Variants in DPP6 observed in about 807,000 individuals in gnomAD.
The protein encoded by DPP6 is dipeptidyl peptidase like 6.
A neutral mutation model predicts 122.6 loss-of-function variants in DPP6; 69 were observed. The ratio of observed to expected loss-of-function variants is 0.56; its 90% CI spans 0.46 to 0.69. DPP6 has a LOEUF of 0.69. Among genes scored for constraint, DPP6 ranks in the 30% least tolerant of loss-of-function variants. DPP6 has a pLI of 0.00. For missense variants in DPP6, 928 were observed against 1,116.9 expected (o/e 0.83, Z 2.41); for synonymous variants, 418 against 433.1 (o/e 0.97, Z 0.43).
chr7:153,854,018 T>C, the DPP6 span, among the ~76,000 whole-genome samples: 613 of 147,504 alleles, frequency 4.2e-3, 4 homozygotes, highest in Non-Finnish European at 6.2e-3. Context: ...GAATTGATTT[T>C]TGTATAAGGT....
intron 1 of DPP6, among the ~76,000 whole-genome samples, chr7:154,057,227 A>C (rs575950204): frequency 6.6e-6 from 1 of 151,998 alleles, no homozygotes; most frequent in African/African-American, 2.4e-5. Context: ...ACAAGAAGCA[A>C]AAAAGCTGAC....
chr7:154,342,319 C>G (rs1810004961), intron 1 of DPP6, among the ~76,000 whole-genome samples: 1 of 152,180 alleles, frequency 6.6e-6, no homozygotes, highest in Admixed American at 6.5e-5. Context: ...GGCAGACACA[C>G]TGGGATTTGA....
At chr7:154,610,521 G>A (rs1484132406) in intron 5 of DPP6, among the ~76,000 whole-genome samples, 1 of 152,180 alleles carries the variant, frequency 6.6e-6, no homozygotes, top group Non-Finnish European at 1.5e-5. Flanking sequence ...GTCATTTCTT[G>A]CAGCACCTGT....
intron 1 of DPP6, among the ~76,000 whole-genome samples, chr7:154,380,691 G>A (rs780535918): frequency 6.6e-6 from 1 of 152,172 alleles, no homozygotes; most frequent in African/African-American, 2.4e-5. Context: ...CATTCCCCTG[G>A]TACCTTTTTG....
intron 1 of DPP6, among the ~76,000 whole-genome samples, chr7:153,962,554 C>T (rs71545666): frequency 5.9e-5 from 9 of 152,198 alleles, no homozygotes; most frequent in Admixed American, 2.6e-4. Context: ...GCCGTACAGT[C>T]GGTCCCAGCC....
chr7:154,075,704 A>AGT (rs1310684357), intron 1 of DPP6, among the ~76,000 whole-genome samples: 1 of 144,752 alleles, frequency 6.9e-6, no homozygotes, highest in Non-Finnish European at 1.5e-5. Context: ...CATGGGGTAC[A>AGT]GTGTATACTG....
At chr7:154,852,546 C>A (rs1183530793) in intron 16 of DPP6, among the ~76,000 whole-genome samples, 1 of 152,192 alleles carries the variant, frequency 6.6e-6, no homozygotes, top group Non-Finnish European at 1.5e-5. Flanking sequence ...GCCTTTCCTG[C>A]CTCTCCTGCA....
intron 8 of DPP6, among the ~76,000 whole-genome samples, chr7:154,734,929 A>G (rs1412066883): frequency 6.6e-6 from 1 of 152,196 alleles, no homozygotes; most frequent in East Asian, 1.9e-4. Flanking sequence ...GCCACTGGTA[A>G]CGTCTACGTA....
chr7:153,846,972 C>A, the DPP6 span, among the ~76,000 whole-genome samples: 2 of 152,150 alleles, frequency 1.3e-5, no homozygotes, highest in Admixed American at 6.5e-5. Context: ...CAGGCATGAG[C>A]CACCGTGCCT....
At chr7:154,034,660 ATTAT>A (rs1799428319) in intron 1 of DPP6, among the ~76,000 whole-genome samples, 1 of 149,440 alleles carries the variant, frequency 6.7e-6, no homozygotes, top group South Asian at 2.1e-4. Context: ...TTTAATTTTA[ATTAT>A]TATTATTTTA....
chr7:154,072,010 G>A (rs1418638904), intron 1 of DPP6, among the ~76,000 whole-genome samples: 1 of 152,126 alleles, frequency 6.6e-6, no homozygotes, highest in Non-Finnish European at 1.5e-5. Context: ...TAATGTTGGA[G>A]GGAAAAAAAC....
Position 154,892,975 on chromosome 7 carries a change from C to T in DPP6, c.*495C>T, listed in dbSNP as rs914583971. The T allele has an allele frequency of 7.8e-6, 4 of 516,068 alleles. No homozygotes were observed. The highest frequency in any genetic ancestry group is 5.8e-5 in the African/African-American group (3 of 51,952). The allele number at this position is 516,068 out of a possible 1,614,324, so 32.0% of individuals were successfully genotyped here. A position where few individuals can be genotyped will look rare whatever the true frequency, so the allele number is the denominator to read the frequency against. ...TGCGTGTTCATATATGGGCTTGCTA[C>T]TTCCTGTAATGAGGACGTTCAACAT... is the stretch of plus-strand genomic sequence containing the variant. On this transcript the variant is annotated 3_prime_UTR_variant, in exon 26 of 26. Coordinates refer to ENST00000377770, the MANE Select transcript of DPP6 (RefSeq NM_130797.4).
chr7:154,410,933 C>A (rs1236757662), intron 1 of DPP6, among the ~76,000 whole-genome samples: 2 of 152,136 alleles, frequency 1.3e-5, no homozygotes, highest in Admixed American at 6.5e-5. Context: ...TACATGAATT[C>A]TTTTAGCTGA....
chr7:154,397,206 T>C (rs1815165767), intron 1 of DPP6, among the ~76,000 whole-genome samples: 2 of 151,220 alleles, frequency 1.3e-5, no homozygotes. Flanking sequence ...AAGGTCAAAA[T>C]GAAGGCACTT....
intron 19 of DPP6, among the ~76,000 whole-genome samples, chr7:154,873,961 C>A (rs947648099): frequency 1.4e-5 from 2 of 146,162 alleles, no homozygotes; most frequent in African/African-American, 5.0e-5. Flanking sequence ...CACACACGCA[C>A]CTGCATACAT....
chr7:154,172,776 T>A (rs1363553744), intron 1 of DPP6, among the ~76,000 whole-genome samples: 1 of 151,898 alleles, frequency 6.6e-6, no homozygotes, highest in Non-Finnish European at 1.5e-5. Flanking sequence ...AATTTTGTAT[T>A]TTTTTGTAGA....
intron 5 of DPP6, among the ~76,000 whole-genome samples, chr7:154,589,320 T>C (rs1392030166): frequency 6.6e-6 from 1 of 152,210 alleles, no homozygotes; most frequent in African/African-American, 2.4e-5. Flanking sequence ...TATCACTCCA[T>C]CTCAGGAGCA....
intron 7 of DPP6, among the ~76,000 whole-genome samples, chr7:154,672,451 T>G (rs779920209): frequency 6.6e-6 from 1 of 152,206 alleles, no homozygotes; most frequent in Non-Finnish European, 1.5e-5. Flanking sequence ...AACAGATTGA[T>G]TAATTCATTA....
chr7:154,571,393 G>C (rs193219291), intron 5 of DPP6, among the ~76,000 whole-genome samples: 2,230 of 152,126 alleles, frequency 0.015, 28 homozygotes, highest in South Asian at 0.037. Flanking sequence ...TGTATAGCTT[G>C]GCTAGCATCC....
Sources: allele counts gnomAD v4.1 joint callset (sites outside exome capture counted in the v4.1 genomes callset), GRCh38; gene constraint gnomAD v4.1.1; transcripts MANE v1.5; gene names NCBI Gene and HGNC (gene_info 2026-07-23, HGNC 2026-07-21).